DIAPH2: variants seen among roughly 807,000 people sequenced by gnomAD.
The protein encoded by DIAPH2 is diaphanous related formin 2, also known as protein diaphanous homolog 2.
Under a neutral mutation model 92.7 loss-of-function variants are expected in DIAPH2, and 35 were observed. The observed-to-expected ratio is 0.38, with a 90% CI of 0.29 to 0.50. The LOEUF is 0.50. Ranked by LOEUF, DIAPH2 falls within the 20% of genes least tolerant of loss-of-function variation. The pLI, the probability that DIAPH2 is intolerant of heterozygous loss-of-function variation, is 0.94. For missense variants in DIAPH2, 701 were observed against 819.5 expected, an observed-to-expected ratio of 0.86 and a Z score of 1.77; for synonymous variants, 301 against 280.4, an observed-to-expected ratio of 1.07 and a Z score of -0.73.
intron 21 of DIAPH2, among the ~76,000 whole-genome samples, chrX:97,121,085 C>CT (rs2067054687): frequency 8.9e-6 from 1 of 112,154 alleles, no homozygotes; most frequent in Non-Finnish European, 1.9e-5. Flanking sequence ...ATAATGTGGA[C>CT]TATGTCCATA....
At chrX:97,007,626 A>C (rs2147861018) in intron 17 of DIAPH2, among the ~76,000 whole-genome samples, 1 of 109,950 alleles carries the variant, frequency 9.1e-6, no homozygotes, top group South Asian at 3.9e-4. Context: ...TTGGTTGTTA[A>C]ATGTCTTGAG....
intron 4 of DIAPH2, among the ~76,000 whole-genome samples, chrX:96,833,872 T>G (rs1363352365): frequency 9.0e-6 from 1 of 111,052 alleles, no homozygotes; most frequent in African/African-American, 3.3e-5. Context: ...TGTTGTCCAC[T>G]AGTCTCGAAC....
At chrX:97,021,115 T>G (rs1405398627) in intron 17 of DIAPH2, among the ~76,000 whole-genome samples, 3 of 112,501 alleles carry the variant, frequency 2.7e-5, no homozygotes, top group African/African-American at 9.7e-5. Flanking sequence ...AAAGTCTGTC[T>G]TTACTCCAGA....
At chrX:97,530,150 G>A (rs1473215628) in intron 26 of DIAPH2, among the ~76,000 whole-genome samples, 1 of 111,874 alleles carries the variant, frequency 8.9e-6, no homozygotes, top group African/African-American at 3.2e-5. Context: ...CAGTACTGAA[G>A]GGGGCCAAAA....
chrX:96,954,612 C>G (rs1249680095), intron 15 of DIAPH2, among the ~76,000 whole-genome samples: 1 of 112,078 alleles, frequency 8.9e-6, no homozygotes, highest in Non-Finnish European at 1.9e-5. Flanking sequence ...AGAAGAACCA[C>G]ATTGAAATTC....
At chrX:97,591,182 AAATCCCCCTATC>A (rs2071514341) in intron 26 of DIAPH2, among the ~76,000 whole-genome samples, 2 of 111,874 alleles carry the variant, frequency 1.8e-5, no homozygotes, top group Non-Finnish European at 3.8e-5. Context: ...CTTCTTGTTG[AAATCCCCCTATC>A]TTTTAAGGCT....
At chrX:97,196,986 A>G (rs2067710117) in intron 22 of DIAPH2, among the ~76,000 whole-genome samples, 1 of 110,660 alleles carries the variant, frequency 9.0e-6, no homozygotes, top group Non-Finnish European at 1.9e-5. Context: ...GGGTTTCACC[A>G]TGTTGGTCAG....
intron 24 of DIAPH2, among the ~76,000 whole-genome samples, chrX:97,381,694 G>T (rs2069551369): frequency 9.0e-6 from 1 of 111,546 alleles, no homozygotes; most frequent in Non-Finnish European, 1.9e-5. Flanking sequence ...AAGAAGCTGT[G>T]TAGCTTTGGG....
At chrX:97,292,741 C>G (rs2068604621) in intron 23 of DIAPH2, among the ~76,000 whole-genome samples, 1 of 110,559 alleles carries the variant, frequency 9.0e-6, no homozygotes, top group African/African-American at 3.3e-5. Flanking sequence ...TTAAAACTAG[C>G]TCATACAGCT....
At chrX:97,486,036 A>G (rs1218722275) in intron 26 of DIAPH2, among the ~76,000 whole-genome samples, 1 of 110,642 alleles carries the variant, frequency 9.0e-6, no homozygotes, top group Non-Finnish European at 1.9e-5. Flanking sequence ...AAAAAAAGAA[A>G]TAATGCTATT....
chrX:97,322,330 T>C (rs1480614257), intron 23 of DIAPH2, among the ~76,000 whole-genome samples: 1 of 112,186 alleles, frequency 8.9e-6, no homozygotes, highest in Non-Finnish European at 1.9e-5. Flanking sequence ...TTTAAGCATA[T>C]GATTCTTTAT....
chrX:96,968,886 T>C (rs1045318418), intron 17 of DIAPH2, among the ~76,000 whole-genome samples: 6 of 112,403 alleles, frequency 5.3e-5, no homozygotes, highest in Non-Finnish European at 7.5e-5. Context: ...TTTAATCCAT[T>C]TTGACTTTTT....
At chrX:97,413,995 T>C (rs2069910308) in intron 25 of DIAPH2, among the ~76,000 whole-genome samples, 1 of 112,035 alleles carries the variant, frequency 8.9e-6, no homozygotes, top group Non-Finnish European at 1.9e-5. Flanking sequence ...ATTTATAGAT[T>C]CAGTGCCATC....
At chrX:97,365,882 A>G (rs1490958018) in intron 24 of DIAPH2, among the ~76,000 whole-genome samples, 1 of 109,522 alleles carries the variant, frequency 9.1e-6, no homozygotes, top group African/African-American at 3.3e-5. Flanking sequence ...TTGTATTTTT[A>G]GTAGAGACAG....
intron 20 of DIAPH2, among the ~76,000 whole-genome samples, chrX:97,112,437 A>G (rs1366996864): frequency 1.8e-5 from 2 of 111,403 alleles, no homozygotes; most frequent in East Asian, 5.6e-4. Context: ...AAGGAAAGGA[A>G]AAATAAAGTG....
At chrX:97,178,666 T>C (rs2067514797) in intron 22 of DIAPH2, among the ~76,000 whole-genome samples, 1 of 109,962 alleles carries the variant, frequency 9.1e-6, no homozygotes, top group African/African-American at 3.3e-5. Flanking sequence ...TTGGACGGGT[T>C]GGACAGGTCT....
At chrX:97,050,807 T>G (rs1823866844) in intron 17 of DIAPH2, among the ~76,000 whole-genome samples, 1 of 111,822 alleles carries the variant, frequency 8.9e-6, no homozygotes, top group Non-Finnish European at 1.9e-5. Flanking sequence ...ATTTTTTACA[T>G]GCTCTCAATG....
chrX:97,096,297 AT>A (rs889783465), intron 19 of DIAPH2, among the ~76,000 whole-genome samples: 4 of 111,924 alleles, frequency 3.6e-5, no homozygotes, highest in African/African-American at 1.3e-4. Flanking sequence ...AGCTATTTTA[AT>A]TTTTTTTAAG....
chrX:96,773,424 G>C (rs1208366695), intron 4 of DIAPH2, among the ~76,000 whole-genome samples: 1 of 110,976 alleles, frequency 9.0e-6, no homozygotes, highest in Non-Finnish European at 1.9e-5. Context: ...GAGGTGCCAG[G>C]GTTGTGTGCA....
Sources: gnomAD v4.1 joint callset for allele counts (sites outside exome capture counted in the v4.1 genomes callset) on GRCh38, gnomAD v4.1.1 for gene constraint, MANE v1.5 for transcripts, NCBI Gene and HGNC (gene_info 2026-07-23, HGNC 2026-07-21) for gene names.